Variants in C6orf132 observed in about 807,000 individuals in gnomAD.
C6orf132 encodes the protein chromosome 6 open reading frame 132, also known as uncharacterized protein C6orf132.
C6orf132 carries 43 observed loss-of-function variants against 65.3 expected under a neutral mutation model. That is an observed-to-expected ratio of 0.66 (90% CI 0.52 to 0.85). The LOEUF (loss-of-function observed/expected upper bound fraction) is 0.85, where lower values mean the gene tolerates loss of function less well. C6orf132 is among the 40% of genes least tolerant of loss of function. The probability of loss-of-function intolerance (pLI) is 0.00; values close to 1 mark genes in which losing one functional copy is unlikely to be tolerated. For synonymous variants in C6orf132, 631 were observed against 654.1 expected, an observed-to-expected ratio of 0.96 and a Z score of 0.54; for missense variants, 1,488 against 1,548.8, an observed-to-expected ratio of 0.96 and a Z score of 0.66.
chr6:42,107,396 TG>T lies in C6orf132; in HGVS notation c.515del (p.Pro172HisfsTer53). On this transcript the variant is annotated frameshift_variant, in exon 4 of 5. Transcript: ENST00000341865. LOFTEE classifies it high-confidence loss of function. Reference protein sequence around the residue: ...PLPSPPSTAPPPPPLLLEPPP... With the variant: ...PLPSPPSTAPXPPPLLLEPPP... ...GGGGTTCCAGCAGCAGGGGAGGTGGTGGGGGTGCTGTGGAAGGTGGAGATGG... is the reference window on the plus strand; with the variant it reads ...GGGGTTCCAGCAGCAGGGGAGGTGGTGGGGTGCTGTGGAAGGTGGAGATGG... 1 of 761,594 alleles carries T rather than the reference TG, an allele frequency of 1.3e-6. No individual in the cohort carries two copies. The highest frequency in any genetic ancestry group is 1.8e-6 in the Non-Finnish European group (1 of 563,152). 47.2% of individuals were successfully genotyped at this position (761,594 alleles called of 1,614,324 possible). A position where few individuals can be genotyped will look rare whatever the true frequency, so the allele number is the denominator to read the frequency against.
Position 42,106,706 on chromosome 6 carries a change from G to C in C6orf132, c.1206C>G (p.Pro402=), listed in dbSNP as rs761694409. Residue 402 remains proline, a synonymous_variant, in exon 4 of 5, where the codon CCC becomes CCG. Transcript: ENST00000341865. The part of the protein sequence containing the change: ...PAPPLPPPAP[P]LPPPAPPLPP... ...GAAGTGGGGGTGCTGGGGGAGGGAGGGGGGGTGCAGGAGGGGGCAGGGGAG... is the reference window on the plus strand; with the variant it reads ...GAAGTGGGGGTGCTGGGGGAGGGAGCGGGGGTGCAGGAGGGGGCAGGGGAG... 40 of 1,036,180 alleles carry C rather than the reference G, an allele frequency of 3.9e-5. No homozygotes were observed. Among genetic ancestry groups the C allele is most frequent in the African/African-American group, 1.2e-4 (7 of 58,860 alleles). The allele number at this position is 1,036,180 out of a possible 1,614,324, so 64.2% of individuals were successfully genotyped here.
chr6:42,141,865 T>G (rs893545583), intron 1 of C6orf132, among the ~76,000 whole-genome samples: 2 of 152,106 alleles, frequency 1.3e-5, no homozygotes, highest in South Asian at 4.2e-4. Context: ...AGGGAGGAGT[T>G]CTTAGCCCCT....
chr6:42,132,272 T>C (rs1199875375), intron 1 of C6orf132, among the ~76,000 whole-genome samples: 1 of 151,778 alleles, frequency 6.6e-6, no homozygotes, highest in Non-Finnish European at 1.5e-5. Flanking sequence ...TCCCAGCACT[T>C]TGGGAGGCCG....
Position 42,106,519 on chromosome 6 carries a change from T to TG in C6orf132, c.1392dup (p.Ser465GlnfsTer47), listed in dbSNP as rs1387728130. On this transcript the variant is annotated frameshift_variant, in exon 4 of 5. Coordinates refer to ENST00000341865, the MANE Select transcript of C6orf132 (RefSeq NM_001164446.3). LOFTEE classifies it high-confidence loss of function. ...TCGTTCCGCAGCTTTTCCATCTGGC[T>TG]GGGGTCCCTCCAGTCCACAGGTGCT... The TG allele has an allele frequency of 6.5e-7, 1 of 1,534,908 alleles. No homozygotes were observed. Among genetic ancestry groups the TG allele is most frequent in the Non-Finnish European group, 8.7e-7 (1 of 1,146,236 alleles).
In C6orf132 at chr6:42,107,539, C is replaced by T. The variant is rs776580847; in HGVS notation, c.373G>A (p.Val125Met). 5.8e-6 allele frequency: 9 copies of T among 1,550,680 alleles called. No individual in the cohort carries two copies. Among genetic ancestry groups the T allele is most frequent in the South Asian group, 1.2e-5 (1 of 84,046 alleles). The change falls in exon 4 of 5, where the codon GTG (valine) becomes ATG (methionine). Residue 125 changes from valine (V) to methionine (M), a missense_variant. Coordinates refer to ENST00000341865, the MANE Select transcript of C6orf132 (RefSeq NM_001164446.3). ...VNGNLRLYSS[V>M]GDLRPGQYGQ... is the part of the protein sequence containing the mutation. Reference sequence around the variant, plus strand: ...TATTGTCCAGGCCTCAGGTCACCCACAGAGCTGTACAGTCGGAGGTTGCCA... The same window carrying T: ...TATTGTCCAGGCCTCAGGTCACCCATAGAGCTGTACAGTCGGAGGTTGCCA...
intron 1 of C6orf132, among the ~76,000 whole-genome samples, chr6:42,138,881 A>ACACT (rs1485745834): frequency 1.3e-5 from 2 of 150,644 alleles, no homozygotes; most frequent in Non-Finnish European, 1.5e-5. Flanking sequence ...ACACACACAC[A>ACACT]CTCGTGTGGC....
intron 3 of C6orf132, among the ~76,000 whole-genome samples, chr6:42,107,984 G>A (rs555303658): frequency 5.9e-5 from 9 of 152,266 alleles, no homozygotes; most frequent in Admixed American, 2.0e-4. Context: ...TTCCTGCCCC[G>A]CAGACACAGG....
At chr6:42,137,211 C>T (rs1417358899) in intron 1 of C6orf132, among the ~76,000 whole-genome samples, 4 of 152,136 alleles carry the variant, frequency 2.6e-5, no homozygotes, top group African/African-American at 9.7e-5. Flanking sequence ...ACATTACTGT[C>T]ATTACTCTAT....
At position 42,106,516 on chromosome 6, in the gene C6orf132, G is replaced by T; in HGVS notation, c.1396C>A (p.Gln466Lys). The part of the protein sequence containing the change: ...SAPVDWRDPS[Q>K]MEKLRNELAA... The stretch of plus-strand genomic sequence containing the variant: ...AGCTCGTTCCGCAGCTTTTCCATCT[G>T]GCTGGGGTCCCTCCAGTCCACAGGT... The change falls in exon 4 of 5, where the codon CAG becomes AAG. Residue 466 changes from glutamine (Q) to lysine (K), a missense_variant. Coordinates refer to ENST00000341865, the MANE Select transcript of C6orf132 (RefSeq NM_001164446.3). The T allele has an allele frequency of 6.5e-7, 1 of 1,536,518 alleles. No individual in the cohort carries two copies. The highest frequency in any genetic ancestry group is 8.7e-7 in the Non-Finnish European group (1 of 1,146,882).
In C6orf132 at chr6:42,104,003, T is replaced by G; in HGVS notation, c.3450-125A>C. On this transcript the variant is annotated intron_variant, in intron 4 of 4. Transcript: ENST00000341865. The surrounding 1 kb of genome is among the most constrained non-coding windows in gnomAD (Gnocchi z 4.1). ...CTTCTGTATTTGCCCCGACAAGCCCTGGGCTTATCGACCCCAGGGAGGGAC... is the reference window on the plus strand; with the variant it reads ...CTTCTGTATTTGCCCCGACAAGCCCGGGGCTTATCGACCCCAGGGAGGGAC... 1.5e-6 allele frequency: 1 copy of G among 652,202 alleles called. No homozygotes were observed. Among genetic ancestry groups the G allele is most frequent in the Non-Finnish European group, 2.3e-6 (1 of 440,128 alleles). 40.4% of individuals were successfully genotyped at this position (652,202 alleles called of 1,614,324 possible). A position where few individuals can be genotyped will look rare whatever the true frequency, so the allele number is the denominator to read the frequency against.
rs1766350165 is a variant in C6orf132, at chr6:42,104,419, T to C, written c.3449+44A>G. 1 of 1,228,974 alleles carries C rather than the reference T, an allele frequency of 8.1e-7. No homozygotes were observed. The allele number at this position is 1,228,974 out of a possible 1,614,324, so 76.1% of individuals were successfully genotyped here. A position where few individuals can be genotyped will look rare whatever the true frequency, so the allele number is the denominator to read the frequency against. ...GGACTCCTTGGCCCTCGCCTGGCTT[T>C]CCACCCCTCCTGGCTTCCCGCACCA... On this transcript the variant is annotated intron_variant, in intron 4 of 4. Transcript: ENST00000341865. The surrounding 1 kb of genome is among the most constrained non-coding windows in gnomAD (Gnocchi z 4.1).
chr6:42,118,550 AAG>A (rs1380520519), intron 2 of C6orf132, among the ~76,000 whole-genome samples: 1 of 152,188 alleles, frequency 6.6e-6, no homozygotes, highest in Non-Finnish European at 1.5e-5. Flanking sequence ...CCCACATCGA[AAG>A]GGGCAGACCA....
rs1362482002 is a variant in C6orf132, at chr6:42,107,350, G to A, written c.562C>T (p.Pro188Ser). Residue 188 changes from proline to serine, a missense_variant, in exon 4 of 5, where the codon CCA becomes TCA. Pro to Ser is a moderately conservative substitution (Grantham distance 74). Coordinates refer to ENST00000341865, the MANE Select transcript of C6orf132 (RefSeq NM_001164446.3). ...GCCTCCAATACTGGGGGTGGAGGTG[G>A]GGCCATGCTGGGCGGGGGTGGGGGT... is the stretch of plus-strand genomic sequence containing the variant. ...LEPPPPPSMAPPPPPVLEALS... is the reference protein window; with the variant it reads ...LEPPPPPSMASPPPPVLEALS... 5.4e-6 allele frequency: 6 copies of A among 1,117,944 alleles called. No homozygotes were observed. In the East Asian group the frequency reaches 1.6e-4, roughly 30 times the overall value. The allele number at this position is 1,117,944 out of a possible 1,614,324, so 69.3% of individuals were successfully genotyped here.
At position 42,103,752 on chromosome 6, in the gene C6orf132, A is replaced by G; in HGVS notation, c.*9T>C. 7.3e-7 allele frequency: 1 copy of G among 1,376,290 alleles called. No homozygotes were observed. Among genetic ancestry groups the G allele is most frequent in the Non-Finnish European group, 9.4e-7 (1 of 1,060,290 alleles). The allele number at this position is 1,376,290 out of a possible 1,614,324, so 85.3% of individuals were successfully genotyped here. ...AGTTTGTTGGAGTAGAGCTAAGAGA[A>G]CCCCTGGCTCAGGAGGTGGCTTTCC... On this transcript the variant is annotated 3_prime_UTR_variant, in exon 5 of 5. Transcript: ENST00000341865.
intron 1 of C6orf132, among the ~76,000 whole-genome samples, chr6:42,139,137 C>T (rs147779638): frequency 4.3e-4 from 66 of 152,336 alleles, no homozygotes; most frequent in African/African-American, 1.6e-3. Context: ...TTACACATCC[C>T]TACATTGATT....
At chr6:42,118,122 G>A (rs1766611978) in intron 2 of C6orf132, among the ~76,000 whole-genome samples, 1 of 152,128 alleles carries the variant, frequency 6.6e-6, no homozygotes, top group Non-Finnish European at 1.5e-5. Context: ...TGTCCCTTCT[G>A]TGAGTCAGCT....
chr6:42,139,191 T>A (rs1448138353), intron 1 of C6orf132, among the ~76,000 whole-genome samples: 1 of 152,212 alleles, frequency 6.6e-6, no homozygotes, highest in Non-Finnish European at 1.5e-5. Context: ...GGGCTGGATA[T>A]CGCCAGCATC....
rs1002579306 is a variant in C6orf132 at position 42,104,939 on chromosome 6, C to G, written c.2973G>C (p.Glu991Asp). Residue 991 changes from glutamate (E) to aspartate (D), a missense_variant, in exon 4 of 5, where the codon GAG becomes GAC. Glu to Asp is a conservative substitution (Grantham distance 45, BLOSUM62 2). Coordinates refer to ENST00000341865, the MANE Select transcript of C6orf132 (RefSeq NM_001164446.3). This position sits in a 1 kb window ranked among gnomAD's most constrained non-coding sequence, Gnocchi z 4.1. The part of the protein sequence containing the change: ...FNFEVIPPPP[E>D]FSNDPEPPAP... Reference sequence around the variant, plus strand: ...CCGGGGGCTCAGGGTCATTGCTGAACTCTGGCGGCGGTGGGATGACCTCGA... The same window carrying G: ...CCGGGGGCTCAGGGTCATTGCTGAAGTCTGGCGGCGGTGGGATGACCTCGA... 6.8e-7 allele frequency: 1 copy of G among 1,477,074 alleles called. No homozygotes were observed. The highest frequency in any genetic ancestry group is 2.5e-5 in the East Asian group (1 of 40,362). 91.5% of individuals were successfully genotyped at this position (1,477,074 alleles called of 1,614,324 possible).
intron 1 of C6orf132, among the ~76,000 whole-genome samples, chr6:42,133,032 C>A (rs550933848): frequency 6.6e-6 from 1 of 152,268 alleles, no homozygotes; most frequent in Admixed American, 6.5e-5. Flanking sequence ...AAGGTCAGAA[C>A]TGGGGTCTTC....
Sources: gnomAD v4.1 joint callset for allele counts (sites outside exome capture counted in the v4.1 genomes callset) on GRCh38, gnomAD v4.1.1 for gene constraint, Gnocchi (gnomAD v3.1) non-coding constraint, MANE v1.5 for transcripts, NCBI Gene and HGNC (gene_info 2026-07-23, HGNC 2026-07-21) for gene names.